GOLGA5: variants seen among roughly 807,000 people sequenced by gnomAD.
The protein encoded by GOLGA5 is golgin subfamily A member 5.
Under a neutral mutation model 93.5 loss-of-function variants are expected in GOLGA5, and 50 were observed. That is an observed-to-expected ratio of 0.53 (90% CI 0.43 to 0.68). The LOEUF is 0.68. GOLGA5 is among the 30% of genes least tolerant of loss of function. The pLI is 0.00. For missense variants in GOLGA5, 760 were observed against 856.4 expected (o/e 0.89, Z 1.40); for synonymous variants, 312 against 304.5 (o/e 1.02, Z -0.26).
chr14:92,822,079 C>A (rs184075926), intron 8 of GOLGA5, among the ~76,000 whole-genome samples: 5 of 152,282 alleles, frequency 3.3e-5, no homozygotes, highest in Admixed American at 3.3e-4. Flanking sequence ...TTGAAGAGTC[C>A]TTTAGTGCTT....
In GOLGA5 at chr14:92,833,252, TTCAA is replaced by T; in HGVS notation, c.1851_1854del (p.Gln618TrpfsTer8). The T allele has an allele frequency of 6.2e-7, 1 of 1,613,878 alleles. No homozygotes were observed. The highest frequency in any genetic ancestry group is 8.5e-7 in the Non-Finnish European group (1 of 1,179,798). On this transcript the variant is annotated frameshift_variant, in exon 10 of 13. Transcript: ENST00000163416. LOFTEE classifies it high-confidence loss of function. ...AGCACAGAAAAGAACTCCCTGGTCT[TTCAA>T]CTGGAGCGCCTCGAACAGCAGATGA...
At chr14:92,837,479 T>C (rs762668818) in intron 12 of GOLGA5, 30 bp downstream of exon 12, 6 of 920,086 alleles carry the variant, frequency 6.5e-6, no homozygotes, top group Admixed American at 5.8e-5. Context: ...AAAACAATGA[T>C]GCACTTGATT....
intron 8 of GOLGA5, 110 bp downstream of exon 8, chr14:92,819,946 AC>A (rs10716250): frequency 0.7 from 672,750 of 966,566 alleles, 239,482 homozygotes; most frequent in South Asian, 0.82. Context: ...GCTTAGGGTT[AC>A]CCCACAAGTT....
chr14:92,838,373 G>T (rs1485785614), intron 12 of GOLGA5, among the ~76,000 whole-genome samples: 1 of 148,750 alleles, frequency 6.7e-6, no homozygotes, highest in Non-Finnish European at 1.5e-5. Flanking sequence ...GTTTTGTGTT[G>T]TTTTTTTTTT....
At chr14:92,830,066 C>CCT (rs1885498397) in intron 9 of GOLGA5, among the ~76,000 whole-genome samples, 1 of 152,112 alleles carries the variant, frequency 6.6e-6, no homozygotes, top group Non-Finnish European at 1.5e-5. Flanking sequence ...CGCCTGTAAG[C>CCT]CCACCACTTT....
rs1242524899 is a variant in GOLGA5, at chr14:92,806,805, A to G, written c.614A>G (p.Asn205Ser). The G allele has an allele frequency of 7.4e-6, 12 of 1,613,994 alleles. No individual in the cohort carries two copies. Among genetic ancestry groups the G allele is most frequent in the Non-Finnish European group, 1.0e-5 (12 of 1,179,868 alleles). Residue 205 changes from asparagine (N) to serine (S), a missense_variant, in exon 3 of 13, where the codon AAT (asparagine) becomes AGT (serine). Physicochemically the swap from Asn to Ser is conservative, Grantham distance 46. Transcript: ENST00000163416. ...EESSKENVSS[N>S]AACPDHTPTP... ...TCTTCAAAGGAAAATGTGTCATCAA[A>G]TGCTGCCTGCCCTGACCACACCCCA...
chr14:92,835,924 T>C (rs1024160703), intron 11 of GOLGA5, among the ~76,000 whole-genome samples: 1 of 152,244 alleles, frequency 6.6e-6, no homozygotes, highest in Admixed American at 6.5e-5. Context: ...TTATTGAAGA[T>C]GATTAACCCT....
At chr14:92,831,418 A>AT (rs979277755) in intron 9 of GOLGA5, among the ~76,000 whole-genome samples, 8 of 150,460 alleles carry the variant, frequency 5.3e-5, no homozygotes, top group African/African-American at 7.3e-5. Flanking sequence ...ACTCAGATGA[A>AT]TTTTTTTTTT....
intron 2 of GOLGA5, 67 bp from the exon 3 acceptor site, chr14:92,806,669 A>G (rs1008641172): frequency 9.5e-7 from 1 of 1,052,744 alleles, no homozygotes; most frequent in Non-Finnish European, 1.5e-6. Flanking sequence ...CATCCTACCA[A>G]AGCAAGTTGT....
intron 9 of GOLGA5, among the ~76,000 whole-genome samples, chr14:92,832,691 T>G (rs763752289): frequency 6.6e-6 from 1 of 152,172 alleles, no homozygotes; most frequent in Non-Finnish European, 1.5e-5. Flanking sequence ...CCGTAACTGT[T>G]GAATGACGGA....
intron 9 of GOLGA5, among the ~76,000 whole-genome samples, chr14:92,826,875 C>A (rs570841018): frequency 9.2e-5 from 14 of 152,046 alleles, no homozygotes; most frequent in Admixed American, 5.9e-4. Context: ...GTAGGAGAAT[C>A]TTTTTGCAAT....
At chr14:92,819,205 G>GTGC (rs1483828321) in intron 7 of GOLGA5, among the ~76,000 whole-genome samples, 1 of 152,196 alleles carries the variant, frequency 6.6e-6, no homozygotes, top group Non-Finnish European at 1.5e-5. Context: ...CATGGCTTAT[G>GTGC]TGCTGCAGCA....
In GOLGA5 at chr14:92,806,723, C is replaced by CT. The variant is rs756446263; in HGVS notation, c.545-5dup. 173 of 1,569,916 alleles carry CT rather than the reference C, an allele frequency of 1.1e-4. No homozygotes were observed. The highest frequency in any genetic ancestry group is 1.6e-4 in the East Asian group (7 of 44,658). ...CACGCCAATGTAACAAAAACGTATT[C>CT]TTTTTTTTACAGAAGCTGCCAGTAA... is the stretch of plus-strand genomic sequence containing the variant. On this transcript the variant is annotated splice_polypyrimidine_tract_variant and intron_variant, in intron 2 of 12. Transcript: ENST00000163416.
intron 2 of GOLGA5, among the ~76,000 whole-genome samples, chr14:92,802,004 G>C (rs1445317367): frequency 6.6e-6 from 1 of 152,080 alleles, no homozygotes; most frequent in Non-Finnish European, 1.5e-5. Context: ...TGTTTTGGCT[G>C]TTCATGGACC....
rs1476093382 is a variant in GOLGA5, at chr14:92,819,706, A to C, written c.1492-2A>C. The C allele has an allele frequency of 6.2e-7, 1 of 1,612,542 alleles. No individual in the cohort carries two copies. The highest frequency in any genetic ancestry group is 1.7e-5 in the Admixed American group (1 of 59,740). Reference sequence around the variant, plus strand: ...TTTTACATGTAAGCTTTTTCTCTTTAGGATATGGAGGCACAGCAAGTTAAT... The same window carrying C: ...TTTTACATGTAAGCTTTTTCTCTTTCGGATATGGAGGCACAGCAAGTTAAT... On this transcript the variant is annotated splice_acceptor_variant, in intron 7 of 12. Coordinates refer to ENST00000163416, the MANE Select transcript of GOLGA5 (RefSeq NM_005113.4). LOFTEE classifies it high-confidence loss of function.
chr14:92,832,310 G>A (rs1885546777), intron 9 of GOLGA5, among the ~76,000 whole-genome samples: 1 of 152,162 alleles, frequency 6.6e-6, no homozygotes, highest in African/African-American at 2.4e-5. Flanking sequence ...TACTTAATTT[G>A]TGGGGAGTGC....
Position 92,830,343 on chromosome 14 carries a change from C to G in GOLGA5, c.1720-2779C>G, listed in dbSNP as rs2140333625. On this transcript the variant is annotated intron_variant, in intron 9 of 12. Transcript: ENST00000163416. ...AAAAACAAAAGCAAGCTTGTCCGAC[C>G]CATAGTCAACCCAACACAGAATTCG... is the stretch of plus-strand genomic sequence containing the variant. 1.3e-5 allele frequency among the ~76,000 whole-genome samples: 2 copies of G among 152,034 alleles called. 1 individual carries two copies.
chr14:92,830,845 C>A (rs1413210958), intron 9 of GOLGA5, among the ~76,000 whole-genome samples: 1 of 152,168 alleles, frequency 6.6e-6, no homozygotes, highest in Non-Finnish European at 1.5e-5. Flanking sequence ...AGCAATCCTC[C>A]TACCTTGACC....
rs938081732 is a variant in GOLGA5 at position 92,810,176 on chromosome 14, G to A, written c.993-78G>A. ...ATCTTTTTTGTGCTTGACTAAAGCT[G>A]ACGCTCTAAAAATTATTCTGCCTTA... On this transcript the variant is annotated intron_variant, in intron 4 of 12. Transcript: ENST00000163416. 26 of 976,680 alleles carry A rather than the reference G, an allele frequency of 2.7e-5. No homozygotes were observed. In the African/African-American group the frequency reaches 4.2e-4, roughly 16 times the overall value. The allele number at this position is 976,680 out of a possible 1,614,324, so 60.5% of individuals were successfully genotyped here.
Sources: allele counts gnomAD v4.1 joint callset (sites outside exome capture counted in the v4.1 genomes callset), GRCh38; gene constraint gnomAD v4.1.1; transcripts MANE v1.5; gene names NCBI Gene and HGNC (gene_info 2026-07-23, HGNC 2026-07-21).